CACNB2: variants seen among roughly 807,000 people sequenced by gnomAD.
The protein encoded by CACNB2 is calcium voltage-gated channel auxiliary subunit beta 2.
In CACNB2, 42 loss-of-function variants were observed where a neutral mutation model predicts 73.3. That is an observed-to-expected ratio of 0.57 (90% CI 0.45 to 0.74). The LOEUF (loss-of-function observed/expected upper bound fraction) is 0.74. Among genes scored for constraint, CACNB2 ranks in the 30% least tolerant of loss-of-function variants. The pLI, the probability that CACNB2 is intolerant of heterozygous loss-of-function variation, is 0.00. For synonymous variants in CACNB2, 348 were observed against 310.3 expected, an observed-to-expected ratio of 1.12 and a Z score of -1.28; for missense variants, 940 against 853.0, an observed-to-expected ratio of 1.10 and a Z score of -1.27.
At chr10:18,483,204 G>C (rs1238226281) in intron 3 of CACNB2, among the ~76,000 whole-genome samples, 1 of 151,866 alleles carries the variant, frequency 6.6e-6, no homozygotes, top group Non-Finnish European at 1.5e-5. Context: ...GGGTCATGGG[G>C]ACACTCAGCT....
intron 2 of CACNB2, among the ~76,000 whole-genome samples, chr10:18,387,877 C>T (rs2043301344): frequency 6.6e-6 from 1 of 152,078 alleles, no homozygotes; most frequent in African/African-American, 2.4e-5. Context: ...CCACCTCAGC[C>T]TCCCAAGTAG....
At chr10:18,319,617 A>C (rs1377603444) in intron 2 of CACNB2, among the ~76,000 whole-genome samples, 1 of 152,168 alleles carries the variant, frequency 6.6e-6, no homozygotes, top group Non-Finnish European at 1.5e-5. Context: ...TATTTTAAAA[A>C]ATAATATAAA....
intron 11 of CACNB2, 147 bp downstream of exon 11, chr10:18,534,374 A>G (rs1012011439): frequency 8.1e-6 from 6 of 744,090 alleles, no homozygotes; most frequent in East Asian, 7.8e-5. Flanking sequence ...TTTTAAATTG[A>G]TATAGTTTCA....
chr10:18,278,446 G>C (rs1056831081), intron 2 of CACNB2, among the ~76,000 whole-genome samples: 10 of 152,100 alleles, frequency 6.6e-5, no homozygotes, highest in Non-Finnish European at 1.2e-4. Context: ...AATGGAGACT[G>C]TCAGGAAGGC....
chr10:18,265,972 T>C (rs1011741806), intron 2 of CACNB2, among the ~76,000 whole-genome samples: 1 of 152,108 alleles, frequency 6.6e-6, no homozygotes, highest in African/African-American at 2.4e-5. Context: ...TAGTAATCTC[T>C]TATAAGATCC....
At position 18,534,253 on chromosome 10, in the gene CACNB2, C is replaced by G. The variant is rs780623972; in HGVS notation, c.1206+26C>G. 1.4e-5 allele frequency: 22 copies of G among 1,589,314 alleles called. No homozygotes were observed. In the East Asian group the frequency reaches 4.7e-4, roughly 34 times the overall value. On this transcript the variant is annotated intron_variant, in intron 11 of 13. Coordinates refer to ENST00000324631, the MANE Select transcript of CACNB2 (RefSeq NM_201596.3). ...GTAAGTAGGACTGCTACTGTTTGCT[C>G]TATAATCAAACTTTCCTAAAATGTA...
chr10:18,498,345 C>A lies in CACNB2; in HGVS notation c.334-10C>A. Reference sequence around the variant, plus strand: ...TCTTATTTTTTTCCCTCTTCCTTTTCCCACTTTAGACAAAGCCCGTTGCAT... The same window carrying A: ...TCTTATTTTTTTCCCTCTTCCTTTTACCACTTTAGACAAAGCCCGTTGCAT... On this transcript the variant is annotated splice_polypyrimidine_tract_variant and intron_variant, in intron 3 of 13. Transcript: ENST00000324631. 1 of 1,614,050 alleles carries A rather than the reference C, an allele frequency of 6.2e-7. No individual in the cohort carries two copies.
At position 18,320,351 on chromosome 10, in the gene CACNB2, G is replaced by C. The variant is rs1173498453; in HGVS notation, c.214-81573G>C. ...GTTTCATTTGCTTTGCTTTGCTTTG[G>C]TTTTGTGGTCTATGACATAGTTAAG... On this transcript the variant is annotated intron_variant, in intron 2 of 13. Coordinates refer to ENST00000324631, the MANE Select transcript of CACNB2 (RefSeq NM_201596.3). 2.0e-5 allele frequency among the ~76,000 whole-genome samples: 3 copies of C among 152,204 alleles called. No individual in the cohort carries two copies. In the South Asian group the frequency reaches 6.2e-4, roughly 32 times the overall value.
At chr10:18,519,516 C>T (rs975799173) in intron 9 of CACNB2, among the ~76,000 whole-genome samples, 2 of 152,190 alleles carry the variant, frequency 1.3e-5, no homozygotes, top group African/African-American at 4.8e-5. Context: ...CAAGGGCCAA[C>T]CCACCATGTG....
chr10:18,338,149 A>G (rs2041079137), intron 2 of CACNB2, among the ~76,000 whole-genome samples: 1 of 152,240 alleles, frequency 6.6e-6, no homozygotes, highest in South Asian at 2.1e-4. Context: ...TTGGGAAAAA[A>G]TATTTTCAAA....
intron 2 of CACNB2, among the ~76,000 whole-genome samples, chr10:18,272,799 AC>A (rs1447245615): frequency 2.6e-5 from 4 of 151,718 alleles, no homozygotes; most frequent in African/African-American, 9.7e-5. Context: ...AGTCCATTAA[AC>A]CTCTTTCTTT....
intron 3 of CACNB2, among the ~76,000 whole-genome samples, chr10:18,442,373 C>A (rs191694438): frequency 2.0e-5 from 3 of 151,860 alleles, no homozygotes; most frequent in Non-Finnish European, 4.4e-5. Context: ...TGGTCTTAAA[C>A]CCCTGACCTC....
chr10:18,267,846 G>T (rs1191726264), intron 2 of CACNB2, among the ~76,000 whole-genome samples: 1 of 152,194 alleles, frequency 6.6e-6, no homozygotes, highest in Non-Finnish European at 1.5e-5. Flanking sequence ...AGTTTCATGT[G>T]TGAATGACAC....
In CACNB2 at chr10:18,185,358, TAC is replaced by T. The variant is rs1159534092; in HGVS notation, c.213+34385_213+34386del. Among the ~76,000 whole-genome samples, 9 of 152,356 alleles carry T rather than the reference TAC, an allele frequency of 5.9e-5. No individual in the cohort carries two copies. The East Asian group carries it at 1.3e-3, about 23-fold the overall frequency. On this transcript the variant is annotated intron_variant, in intron 2 of 13. Coordinates refer to ENST00000324631, the MANE Select transcript of CACNB2 (RefSeq NM_201596.3). ...ACAGAATCAGATGAGTTAAATTGTA[TAC>T]AGAGTATTTCCAGATAGGAAATGTG... is the stretch of plus-strand genomic sequence containing the variant.
chr10:18,254,375 G>T (rs926002293), intron 2 of CACNB2, among the ~76,000 whole-genome samples: 1 of 152,064 alleles, frequency 6.6e-6, no homozygotes, highest in Admixed American at 6.6e-5. Flanking sequence ...TTGAGGTTTA[G>T]TGTGCATTCC....
chr10:18,538,721 G>C (rs1417874213), intron 13 of CACNB2, among the ~76,000 whole-genome samples: 2 of 152,156 alleles, frequency 1.3e-5, no homozygotes, highest in Non-Finnish European at 2.9e-5. Context: ...CTGTCCAAGA[G>C]GCTGCTGGAA....
At position 18,206,968 on chromosome 10, in the gene CACNB2, C is replaced by T. The variant is rs112254543; in HGVS notation, c.213+55993C>T. On this transcript the variant is annotated intron_variant, in intron 2 of 13. Transcript: ENST00000324631. ...ACAATAAAATATTTTGAGGGAGAGA[C>T]GACATTCACATAACATTTATTACAG... 4.6e-3 allele frequency among the ~76,000 whole-genome samples: 706 copies of T among 152,158 alleles called. 5 individuals carry two copies. Among genetic ancestry groups the T allele is most frequent in the African/African-American group, 0.016 (668 of 41,512 alleles).
intron 11 of CACNB2, among the ~76,000 whole-genome samples, chr10:18,535,863 A>C (rs1336214467): frequency 7.2e-5 from 11 of 152,098 alleles, no homozygotes; most frequent in African/African-American, 2.4e-4. Context: ...TAGCTTCTTT[A>C]AAGAGGTTGT....
intron 2 of CACNB2, chr10:18,401,243 T>G: frequency 9.8e-7 from 1 of 1,024,286 alleles, no homozygotes. Flanking sequence ...GAGATTCCTC[T>G]CATTTTTTGA....
Sources: gnomAD v4.1 joint callset for allele counts (sites outside exome capture counted in the v4.1 genomes callset) on GRCh38, gnomAD v4.1.1 for gene constraint, MANE v1.5 for transcripts, NCBI Gene and HGNC (gene_info 2026-07-23, HGNC 2026-07-21) for gene names.